ATP11B: variants seen among roughly 807,000 people sequenced by gnomAD.
The protein encoded by ATP11B is ATPase phospholipid transporting 11B (putative), also known as phospholipid-transporting ATPase IF.
A neutral mutation model predicts 157.8 loss-of-function variants in ATP11B; 81 were observed. That is an observed-to-expected ratio of 0.51 (90% CI 0.43 to 0.62). The LOEUF (loss-of-function observed/expected upper bound fraction) is 0.62. Ranked by LOEUF, ATP11B falls within the 20% of genes least tolerant of loss-of-function variation. ATP11B has a pLI of 0.00. For missense variants in ATP11B, 1,165 were observed against 1,402.2 expected, an observed-to-expected ratio of 0.83 and a Z score of 2.70; for synonymous variants, 451 against 469.4, an observed-to-expected ratio of 0.96 and a Z score of 0.51.
chr3:182,809,540 C>T (rs772031076), intron 1 of ATP11B, among the ~76,000 whole-genome samples: 3 of 152,164 alleles, frequency 2.0e-5, no homozygotes, highest in Non-Finnish European at 2.9e-5. Context: ...TGAGCCACCA[C>T]GCCCTGCCCG....
chr3:182,799,470 G>T (rs1421273214), intron 1 of ATP11B, among the ~76,000 whole-genome samples: 1 of 151,840 alleles, frequency 6.6e-6, no homozygotes, highest in East Asian at 1.9e-4. Context: ...TAGAGATGGG[G>T]TTTCTCCGTG....
chr3:182,866,527 A>T, intron 14 of ATP11B, 84 bp downstream of exon 14: 1 of 1,208,638 alleles, frequency 8.3e-7, no homozygotes, highest in Non-Finnish European at 1.1e-6. Flanking sequence ...TAAAATTTTC[A>T]AACATAAATT....
intron 3 of ATP11B, among the ~76,000 whole-genome samples, chr3:182,829,020 A>T (rs1717928351): frequency 6.6e-6 from 1 of 152,174 alleles, no homozygotes; most frequent in Admixed American, 6.5e-5. Flanking sequence ...TAAAAAGAAA[A>T]AATTGCTTTC....
intron 19 of ATP11B, among the ~76,000 whole-genome samples, chr3:182,876,295 A>G (rs767768309): frequency 6.6e-6 from 1 of 152,236 alleles, no homozygotes; most frequent in Non-Finnish European, 1.5e-5. Context: ...AAGCTTATGC[A>G]GTGGTTAATA....
At chr3:182,884,476 T>C (rs2108564202) in intron 21 of ATP11B, among the ~76,000 whole-genome samples, 2 of 152,272 alleles carry the variant, frequency 1.3e-5, no homozygotes, top group Middle Eastern at 6.8e-3. Context: ...ATGTTCCTGC[T>C]AAATCCTTAA....
At chr3:182,841,011 C>G (rs1278482238) in intron 7 of ATP11B, among the ~76,000 whole-genome samples, 1 of 151,958 alleles carries the variant, frequency 6.6e-6, no homozygotes, top group South Asian at 2.1e-4. Context: ...CCTTTCTTCT[C>G]TGCCCTGTTT....
chr3:182,881,756 T>C (rs949432224), intron 21 of ATP11B, among the ~76,000 whole-genome samples: 1 of 152,180 alleles, frequency 6.6e-6, no homozygotes, highest in Admixed American at 6.5e-5. Context: ...AATTCTAAAT[T>C]TGTGATTTAC....
intron 1 of ATP11B, among the ~76,000 whole-genome samples, chr3:182,801,708 G>A (rs944789224): frequency 1.3e-5 from 2 of 151,994 alleles, no homozygotes; most frequent in African/African-American, 2.4e-5. Flanking sequence ...CTCCAAAATC[G>A]CTTCTTCCTT....
chr3:182,849,600 A>C lies in ATP11B; in HGVS notation c.851+1043A>C, dbSNP rs143150625. Among the ~76,000 whole-genome samples, 187 of 152,346 alleles carry C rather than the reference A, an allele frequency of 1.2e-3. 4 individuals are homozygous for C. The East Asian group carries it at 0.035, about 28-fold the overall frequency. On this transcript the variant is annotated intron_variant, in intron 10 of 29. Transcript: ENST00000323116. ...CAGAGAAATGAAAACTCTTGACTTG[A>C]AAAACATAATTACTAAAATGGAAAC... is the stretch of plus-strand genomic sequence containing the variant.
intron 2 of ATP11B, among the ~76,000 whole-genome samples, chr3:182,822,155 C>T (rs1482200064): frequency 1.3e-5 from 2 of 150,960 alleles, no homozygotes; most frequent in African/African-American, 2.4e-5. Flanking sequence ...TTCTAGGGTA[C>T]ATGTGCACAG....
intron 29 of ATP11B, chr3:182,916,892 C>T: frequency 3.1e-6 from 3 of 981,878 alleles, no homozygotes; most frequent in Non-Finnish European, 3.6e-6. Flanking sequence ...GCATACTTGT[C>T]CCCTGTAAAT....
At chr3:182,911,608 A>G (rs997063855) in intron 28 of ATP11B, among the ~76,000 whole-genome samples, 16 of 152,070 alleles carry the variant, frequency 1.1e-4, no homozygotes, top group African/African-American at 2.4e-5. Flanking sequence ...AGCATCTTAC[A>G]TAGTCACTGG....
chr3:182,819,720 CTT>C (rs1717209932), intron 1 of ATP11B, among the ~76,000 whole-genome samples: 1 of 152,200 alleles, frequency 6.6e-6, no homozygotes, highest in African/African-American at 2.4e-5. Context: ...GAACAAAGCT[CTT>C]TGCAACCAAG....
At chr3:182,836,269 T>A in intron 5 of ATP11B, 73 bp from the exon 6 acceptor site, 1 of 1,593,462 alleles carries the variant, frequency 6.3e-7, no homozygotes, top group Non-Finnish European at 8.6e-7. Context: ...AGGCTGCTTC[T>A]TTAGAGCCCA....
chr3:182,827,553 T>G (rs1004618237), intron 2 of ATP11B, among the ~76,000 whole-genome samples: 2 of 151,962 alleles, frequency 1.3e-5, no homozygotes, highest in African/African-American at 2.4e-5. Flanking sequence ...CTTTTAAAAT[T>G]GATATTGTGA....
chr3:182,820,268 CCCA>C lies in ATP11B; in HGVS notation c.41_43del (p.Pro14del). 6.2e-7 allele frequency: 1 copy of C among 1,612,726 alleles called. No homozygotes were observed. The highest frequency in any genetic ancestry group is 8.5e-7 in the Non-Finnish European group (1 of 1,178,752). ...TGCTTGATTGGTCTTAGGGTTTTGA[CCCA>C]CCACATCAGAGTGACACAAGAACCA... On this transcript the variant is annotated inframe_deletion, in exon 2 of 30. Coordinates refer to ENST00000323116, the MANE Select transcript of ATP11B (RefSeq NM_014616.3).
At chr3:182,807,794 G>T (rs1716414092) in intron 1 of ATP11B, among the ~76,000 whole-genome samples, 3 of 151,932 alleles carry the variant, frequency 2.0e-5, no homozygotes, top group Admixed American at 2.0e-4. Flanking sequence ...TTTACTTTTT[G>T]TGCTTATTAA....
chr3:182,834,755 C>T (rs529013247), intron 4 of ATP11B, among the ~76,000 whole-genome samples: 2 of 152,254 alleles, frequency 1.3e-5, no homozygotes, highest in South Asian at 4.1e-4. Context: ...TACAGGCTAA[C>T]ATATTTTTGT....
At position 182,820,306 on chromosome 3, in the gene ATP11B, C is replaced by T; in HGVS notation, c.74C>T (p.Ala25Val). The T allele has an allele frequency of 6.2e-7, 1 of 1,614,048 alleles. No individual in the cohort carries two copies. Among genetic ancestry groups the T allele is most frequent in the East Asian group, 2.2e-5 (1 of 44,880 alleles). ...HQSDTRTIYV[A>V]NRFPQNGLYT... is the part of the protein sequence containing the mutation. The stretch of plus-strand genomic sequence containing the variant: ...AGTGACACAAGAACCATCTACGTAG[C>T]CAACAGGTTTCCTCAGAATGGCCTT... Residue 25 changes from alanine to valine, a missense_variant, in exon 2 of 30, where the codon GCC becomes GTC. Coordinates refer to ENST00000323116, the MANE Select transcript of ATP11B (RefSeq NM_014616.3).
Sources: allele counts gnomAD v4.1 joint callset (sites outside exome capture counted in the v4.1 genomes callset), GRCh38; gene constraint gnomAD v4.1.1; transcripts MANE v1.5; gene names NCBI Gene and HGNC (gene_info 2026-07-23, HGNC 2026-07-21).